The following ZBTB8A variants were observed in gnomAD, a reference collection of about 807,000 sequenced individuals.
The protein encoded by ZBTB8A is zinc finger and BTB domain containing 8A.
In ZBTB8A, 19 loss-of-function variants were observed where a neutral mutation model predicts 37.8. The observed-to-expected ratio is 0.50, with a 90% confidence interval of 0.35 to 0.74. The LOEUF is 0.74. Among genes scored for constraint, ZBTB8A ranks in the 30% least tolerant of loss-of-function variants. ZBTB8A has a pLI of 0.01. For missense variants in ZBTB8A, 394 were observed against 537.8 expected (o/e 0.73, Z 2.65); for synonymous variants, 181 against 185.2 (o/e 0.98, Z 0.19).
chr1:32,593,990 G>C (rs552754276), intron 3 of ZBTB8A, among the ~76,000 whole-genome samples: 3 of 151,770 alleles, frequency 2.0e-5, no homozygotes, highest in African/African-American at 7.2e-5. Context: ...TCAGGAGTTC[G>C]AGACCAGCCT....
chr1:32,574,433 C>CA (rs929751406), intron 2 of ZBTB8A, among the ~76,000 whole-genome samples: 2 of 151,850 alleles, frequency 1.3e-5, no homozygotes, highest in Non-Finnish European at 2.9e-5. Flanking sequence ...CCTGACTCTA[C>CA]AAAAAACTTA....
chr1:32,558,732 A>G (rs1391132065), intron 2 of ZBTB8A, among the ~76,000 whole-genome samples: 1 of 152,200 alleles, frequency 6.6e-6, no homozygotes, highest in Admixed American at 6.5e-5. Context: ...ACACAGATGA[A>G]GGAGTACATT....
chr1:32,585,575 G>A (rs1337480091), intron 2 of ZBTB8A, among the ~76,000 whole-genome samples: 3 of 152,040 alleles, frequency 2.0e-5, no homozygotes, highest in East Asian at 1.9e-4. Flanking sequence ...CCATGTTCAC[G>A]GATGGTGAGA....
chr1:32,597,037 C>T (rs1301508533), intron 4 of ZBTB8A, among the ~76,000 whole-genome samples: 4 of 151,750 alleles, frequency 2.6e-5, no homozygotes, highest in South Asian at 4.2e-4. Flanking sequence ...GACAGAGTCT[C>T]GCTCTGTTGC....
At position 32,581,111 on chromosome 1, in the gene ZBTB8A, TATATA is replaced by T. The variant is rs1557712533; in HGVS notation, c.-1-11814_-1-11810del. ...TAGATAATATATTAAATATATATAATATATAATATATATAACTATATTATATATAT... is the reference window on the plus strand; with the variant it reads ...TAGATAATATATTAAATATATATAATATATATATAACTATATTATATATAT... On this transcript the variant is annotated intron_variant, in intron 2 of 4. Transcript: ENST00000373510. Among the ~76,000 whole-genome samples, 133 of 50,266 alleles carry T rather than the reference TATATA, an allele frequency of 2.6e-3. 1 individual carries two copies. The highest frequency in any genetic ancestry group is 8.2e-3 in the African/African-American group (130 of 15,762). The allele number at this position is 50,266 out of a possible 152,430, so 33.0% of individuals were successfully genotyped here. A position where few individuals can be genotyped will look rare whatever the true frequency, so the allele number is the denominator to read the frequency against.
intron 2 of ZBTB8A, among the ~76,000 whole-genome samples, chr1:32,556,705 T>C (rs1644205590): frequency 6.6e-6 from 1 of 151,848 alleles, no homozygotes; most frequent in Non-Finnish European, 1.5e-5. Flanking sequence ...AGTGAAACCC[T>C]GTCTGTACTA....
chr1:32,539,692 CCCG>C (rs1644032413), intron 1 of ZBTB8A, 120 bp downstream of exon 1: 3 of 1,382 alleles, frequency 2.2e-3, no homozygotes, highest in Non-Finnish European at 6.4e-3. Flanking sequence ...GGATGCGGGC[CCCG>C]GGCGCGCCTC....
At position 32,593,399 on chromosome 1, in the gene ZBTB8A, A is replaced by G. The variant is rs1644504771; in HGVS notation, c.468A>G (p.Gln156=). The change falls in exon 3 of 5, where the codon CAA becomes CAG. Residue 156 remains glutamine (Q), a synonymous_variant. Transcript: ENST00000373510. ...CCTCTTTTTATAGTGGTGGCTGGCA[A>G]GAAGGAAGCAGTTCTCCACGTTCTC... ...ERSSFYSGGW[Q]EGSSSPRSHL... 6.2e-7 allele frequency: 1 copy of G among 1,613,968 alleles called. No homozygotes were observed. Among genetic ancestry groups the G allele is most frequent in the Admixed American group, 1.7e-5 (1 of 59,988 alleles).
chr1:32,565,383 G>A (rs1644270780), intron 2 of ZBTB8A, among the ~76,000 whole-genome samples: 2 of 152,140 alleles, frequency 1.3e-5, no homozygotes, highest in Admixed American at 6.6e-5. Context: ...GGCACAGTGG[G>A]TCATGCCTGC....
rs374762039 is a variant in ZBTB8A, at chr1:32,599,881, T to C, written c.994-206T>C. Among the ~76,000 whole-genome samples the C allele has an allele frequency of 1.2e-4, 18 of 152,292 alleles. No homozygotes were observed. The East Asian group carries it at 2.3e-3, about 20-fold the overall frequency. On this transcript the variant is annotated intron_variant, in intron 4 of 4. Transcript: ENST00000373510. The stretch of plus-strand genomic sequence containing the variant: ...GTCATATTAATAATAAAAAACATGA[T>C]AGCCACTATTTAGAGAAAGCTGATG...
intron 2 of ZBTB8A, among the ~76,000 whole-genome samples, chr1:32,561,716 T>C (rs950569312): frequency 1.8e-4 from 28 of 151,894 alleles, no homozygotes; most frequent in Admixed American, 1.8e-3. Flanking sequence ...GTCTTCTCAG[T>C]GTCCTCCTTT....
intron 2 of ZBTB8A, among the ~76,000 whole-genome samples, chr1:32,587,132 G>A (rs540762885): frequency 4.6e-5 from 7 of 152,040 alleles, no homozygotes; most frequent in African/African-American, 9.7e-5. Flanking sequence ...CCAGCCACTC[G>A]GGAGGCTGAG....
At position 32,600,317 on chromosome 1, in the gene ZBTB8A, C is replaced by T; in HGVS notation, c.1224C>T (p.Ser408=). The change falls in exon 5 of 5, where the codon TCC becomes TCT. Residue 408 remains serine, a synonymous_variant. Coordinates refer to ENST00000373510, the MANE Select transcript of ZBTB8A (RefSeq NM_001040441.3). ...RWHLSEDENR[S]YVEIVEDGSA... ...ACTTGAGTGAAGATGAGAATAGATC[C>T]TATGTGGAGATTGTAGAAGATGGGT... 1 of 1,613,972 alleles carries T rather than the reference C, an allele frequency of 6.2e-7. No individual in the cohort carries two copies. The highest frequency in any genetic ancestry group is 8.5e-7 in the Non-Finnish European group (1 of 1,179,924).
intron 1 of ZBTB8A, among the ~76,000 whole-genome samples, chr1:32,547,577 T>C (rs905502160): frequency 6.8e-6 from 1 of 146,896 alleles, no homozygotes; most frequent in Non-Finnish European, 1.5e-5. Context: ...ATAGATCTCA[T>C]TCTCAGGCCA....
chr1:32,585,088 T>C (rs1388501286), intron 2 of ZBTB8A, among the ~76,000 whole-genome samples: 3 of 142,506 alleles, frequency 2.1e-5, no homozygotes, highest in Non-Finnish European at 3.0e-5. Context: ...AGGAGTGCAG[T>C]GGCACCATCA....
chr1:32,600,533 A>G lies in ZBTB8A; in HGVS notation c.*114A>G. ...AAATTTATCACACTGACTTTAAAGAAATGATCTGATATAACTTGCATGCTT... is the reference window on the plus strand; with the variant it reads ...AAATTTATCACACTGACTTTAAAGAGATGATCTGATATAACTTGCATGCTT... On this transcript the variant is annotated 3_prime_UTR_variant, in exon 5 of 5. Coordinates refer to ENST00000373510, the MANE Select transcript of ZBTB8A (RefSeq NM_001040441.3). 1.3e-6 allele frequency: 1 copy of G among 773,946 alleles called. No individual in the cohort carries two copies. The highest frequency in any genetic ancestry group is 2.1e-6 in the Non-Finnish European group (1 of 486,234). The allele number at this position is 773,946 out of a possible 1,614,324, so 47.9% of individuals were successfully genotyped here.
In ZBTB8A at chr1:32,547,640, A is replaced by G. The variant is rs866106282; in HGVS notation, c.-83-5819A>G. Among the ~76,000 whole-genome samples the G allele has an allele frequency of 9.9e-3, 1,475 of 148,926 alleles. 24 individuals are homozygous for G. The highest frequency in any genetic ancestry group is 0.031 in the African/African-American group (1,259 of 40,544). On this transcript the variant is annotated intron_variant, in intron 1 of 4. Coordinates refer to ENST00000373510, the MANE Select transcript of ZBTB8A (RefSeq NM_001040441.3). ...AGTCTGTATCTCAAAAAAAAAAAAAAAAAGAAAGAAAAAAAGGCAAAAATG... is the reference window on the plus strand; with the variant it reads ...AGTCTGTATCTCAAAAAAAAAAAAAGAAAGAAAGAAAAAAAGGCAAAAATG...
chr1:32,586,792 T>C (rs552299903), intron 2 of ZBTB8A, among the ~76,000 whole-genome samples: 1 of 152,084 alleles, frequency 6.6e-6, no homozygotes, highest in African/African-American at 2.4e-5. Flanking sequence ...AGCATGCAGA[T>C]CATATAGGGC....
At chr1:32,561,281 T>A (rs1481317859) in intron 2 of ZBTB8A, among the ~76,000 whole-genome samples, 1 of 152,090 alleles carries the variant, frequency 6.6e-6, no homozygotes, top group Non-Finnish European at 1.5e-5. Flanking sequence ...TTTTTCTGAG[T>A]GAAAACCTAC....
Sources: allele counts gnomAD v4.1 joint callset (sites outside exome capture counted in the v4.1 genomes callset), GRCh38; gene constraint gnomAD v4.1.1; transcripts MANE v1.5; gene names NCBI Gene and HGNC (gene_info 2026-07-23, HGNC 2026-07-21).